SETX: variants seen among roughly 807,000 people sequenced by gnomAD.
SETX encodes the protein helicase senataxin.
SETX carries 90 observed loss-of-function variants against 227.2 expected under a neutral mutation model. That is an observed-to-expected ratio of 0.40 (90% CI 0.33 to 0.47). The LOEUF (loss-of-function observed/expected upper bound fraction) is 0.47, where lower values mean the gene tolerates loss of function less well. SETX is among the 20% of genes least tolerant of loss of function. The probability of loss-of-function intolerance (pLI) is 0.91; values close to 1 mark genes in which losing one functional copy is unlikely to be tolerated. For missense variants in SETX, 3,052 were observed against 3,181.5 expected (o/e 0.96, Z 0.98); for synonymous variants, 1,210 against 1,113.2 (o/e 1.09, Z -1.73).
rs573277703 is a variant in SETX at position 132,282,604 on chromosome 9, T to C, written c.6546+660A>G. ...CATGCCCAGGCCCTTTTCAAAACTT[T>C]GTATTTGAGGTTCAGAAATCACATT... On this transcript the variant is annotated intron_variant, in intron 19 of 25. Coordinates refer to ENST00000224140, the MANE Select transcript of SETX (RefSeq NM_015046.7). Among the ~76,000 whole-genome samples, 41 of 152,280 alleles carry C rather than the reference T, an allele frequency of 2.7e-4. No individual in the cohort carries two copies. The South Asian group carries it at 7.5e-3, about 28-fold the overall frequency.
At chr9:132,285,620 G>A (rs1233685207) in intron 18 of SETX, among the ~76,000 whole-genome samples, 4 of 152,162 alleles carry the variant, frequency 2.6e-5, no homozygotes, top group South Asian at 2.1e-4. Context: ...GGTGGCTCAC[G>A]CCTGTAATCC....
intron 11 of SETX, among the ~76,000 whole-genome samples, chr9:132,301,752 T>A (rs1845010567): frequency 6.6e-6 from 1 of 152,188 alleles, no homozygotes; most frequent in African/African-American, 2.4e-5. Context: ...TGAGAATGTA[T>A]CCCCATCATT....
chr9:132,341,575 G>C (rs1039450800), intron 5 of SETX, among the ~76,000 whole-genome samples: 1 of 152,172 alleles, frequency 6.6e-6, no homozygotes, highest in Non-Finnish European at 1.5e-5. Flanking sequence ...ATAAGGGCTA[G>C]GCAGACTCAG....
At chr9:132,288,521 C>T (rs1467709895) in intron 16 of SETX, 29 bp downstream of exon 16, 9 of 1,545,180 alleles carry the variant, frequency 5.8e-6, no homozygotes, top group Middle Eastern at 1.7e-4. Flanking sequence ...ACAGAGAAAA[C>T]ACTAGTATAT....
chr9:132,314,043 C>T (rs1037008267), intron 10 of SETX, among the ~76,000 whole-genome samples: 3 of 152,014 alleles, frequency 2.0e-5, no homozygotes, highest in East Asian at 1.9e-4. Flanking sequence ...GCGATTCTCC[C>T]GCCTCCGCCT....
At chr9:132,325,497 A>C (rs974320680) in intron 10 of SETX, among the ~76,000 whole-genome samples, 1 of 152,238 alleles carries the variant, frequency 6.6e-6, no homozygotes, top group African/African-American at 2.4e-5. Flanking sequence ...TCTTACTTAA[A>C]AACAAAACAA....
intron 25 of SETX, among the ~76,000 whole-genome samples, chr9:132,268,681 G>A (rs1161932265): frequency 2.0e-5 from 3 of 152,224 alleles, no homozygotes; most frequent in African/African-American, 7.2e-5. Flanking sequence ...ATATATTTAA[G>A]AGTGATGTAA....
At chr9:132,293,521 A>C (rs1041998462) in intron 15 of SETX, among the ~76,000 whole-genome samples, 5 of 152,038 alleles carry the variant, frequency 3.3e-5, no homozygotes, top group Non-Finnish European at 5.9e-5. Flanking sequence ...TCCCGGGTTC[A>C]AGTGATTCTC....
intron 6 of SETX, among the ~76,000 whole-genome samples, chr9:132,336,012 T>C (rs1025372762): frequency 2.6e-5 from 4 of 152,034 alleles, no homozygotes; most frequent in Non-Finnish European, 5.9e-5. Context: ...GAGGCCAGGG[T>C]GGGCAGATCA....
At chr9:132,309,829 G>T (rs1372419836) in intron 11 of SETX, among the ~76,000 whole-genome samples, 1 of 152,112 alleles carries the variant, frequency 6.6e-6, no homozygotes, top group East Asian at 1.9e-4. Context: ...TGATGGGGGT[G>T]GGGGCAAAGG....
chr9:132,355,989 GAAAAAAAAAAAA>G (rs1213549776), upstream of SETX, among the ~76,000 whole-genome samples: 1 of 85,156 alleles, frequency 1.2e-5, no homozygotes, highest in Non-Finnish European at 2.2e-5. Context: ...TCTCTCTCCG[GAAAAAAAAAAAA>G]AAAAAAAAAA....
intron 13 of SETX, among the ~76,000 whole-genome samples, 177 bp downstream of exon 13, chr9:132,297,903 T>A (rs781698540): frequency 6.6e-6 from 1 of 152,336 alleles, no homozygotes; most frequent in East Asian, 1.9e-4. Flanking sequence ...TACCTTTTCC[T>A]GAAGTGAGCT....
intron 15 of SETX, among the ~76,000 whole-genome samples, chr9:132,292,867 G>A (rs1276136894): frequency 6.6e-6 from 1 of 151,970 alleles, no homozygotes; most frequent in African/African-American, 2.4e-5. Context: ...TCGATCTCCT[G>A]ACCTGGTGAT....
At chr9:132,356,611 C>T (rs1564175019), upstream of SETX, among the ~76,000 whole-genome samples, 1 of 151,940 alleles carries the variant, frequency 6.6e-6, no homozygotes, top group Non-Finnish European at 1.5e-5. Flanking sequence ...GTGACTCAGG[C>T]GATAAAAAAA....
intron 19 of SETX, among the ~76,000 whole-genome samples, chr9:132,282,014 G>A (rs1284944951): frequency 1.9e-5 from 2 of 108,018 alleles, no homozygotes; most frequent in African/African-American, 4.1e-5. Context: ...TGCAGACTCC[G>A]TCTCTAAAAA....
At position 132,346,553 on chromosome 9, in the gene SETX, T is replaced by C. The variant is rs1426156939; in HGVS notation, c.178-82A>G. 5.1e-6 allele frequency: 5 copies of C among 974,936 alleles called. No homozygotes were observed. In the African/African-American group the frequency reaches 6.5e-5, roughly 13 times the overall value. The allele number at this position is 974,936 out of a possible 1,614,324, so 60.4% of individuals were successfully genotyped here. Reference sequence around the variant, plus strand: ...TGAATGTGACGACCTAGAAAGCCTTTTCCTAAGTACAAAAATTCTGAAATG... The same window carrying C: ...TGAATGTGACGACCTAGAAAGCCTTCTCCTAAGTACAAAAATTCTGAAATG... On this transcript the variant is annotated intron_variant, in intron 3 of 25. Coordinates refer to ENST00000224140, the MANE Select transcript of SETX (RefSeq NM_015046.7).
At position 132,346,421 on chromosome 9, in the gene SETX, G is replaced by C. The variant is rs1300994743; in HGVS notation, c.228C>G (p.Ser76=). Residue 76 remains serine (S), a synonymous_variant, in exon 4 of 26, where the codon TCC becomes TCG. Coordinates refer to ENST00000224140, the MANE Select transcript of SETX (RefSeq NM_015046.7). ...TLRLINHFEK[S]MKAEIGDDDE... The stretch of plus-strand genomic sequence containing the variant: ...CATCATCTCCAATTTCTGCCTTCAT[G>C]GATTTTTCAAAGTGATTTATGAGAC... The C allele has an allele frequency of 6.2e-7, 1 of 1,613,634 alleles. No individual in the cohort carries two copies. Among genetic ancestry groups the C allele is most frequent in the Non-Finnish European group, 8.5e-7 (1 of 1,179,744 alleles).
At position 132,328,223 on chromosome 9, in the gene SETX, A is replaced by G; in HGVS notation, c.3375T>C (p.Asp1125=). 6.2e-7 allele frequency: 1 copy of G among 1,614,138 alleles called. No homozygotes were observed. Among genetic ancestry groups the G allele is most frequent in the South Asian group, 1.1e-5 (1 of 91,080 alleles). The change falls in exon 10 of 26, where the codon GAT becomes GAC. Residue 1125 remains aspartate (D), a synonymous_variant. Transcript: ENST00000224140. The part of the protein sequence containing the change: ...ANTTNGQGCT[D]YVSEVVKKGA... ...CTTTTTTAACAACTTCAGATACATA[A>G]TCTGTACAACCCTGACCATTTGTAG...
In SETX at chr9:132,275,404, G is replaced by T; in HGVS notation, c.6952C>A (p.Gln2318Lys). ...ATTTCCATCACCAGTTTTATTTCTT[G>T]AACATTTATATATGAGCTAAACAAG... ...RRDNDSYINV[Q>K]EIKLVMEIIK... Residue 2318 changes from glutamine to lysine, a missense_variant, in exon 23 of 26, where the codon CAA becomes AAA. Physicochemically the swap from Gln to Lys is moderately conservative, Grantham distance 53 (BLOSUM62 1). This residue lies in a region of SETX where 412 missense variants were observed against 589.0 expected (regional missense o/e 0.70). Transcript: ENST00000224140. 2 of 1,599,278 alleles carry T rather than the reference G, an allele frequency of 1.3e-6. No individual in the cohort carries two copies. Among genetic ancestry groups the T allele is most frequent in the South Asian group, 1.1e-5 (1 of 90,556 alleles).
Sources: allele counts gnomAD v4.1 joint callset (sites outside exome capture counted in the v4.1 genomes callset), GRCh38; gene constraint gnomAD v4.1.1; regional missense constraint gnomAD v4.1.1; transcripts MANE v1.5; gene names NCBI Gene and HGNC (gene_info 2026-07-23, HGNC 2026-07-21).